Variants in MVD observed in about 807,000 individuals in gnomAD.
MVD encodes the protein diphosphomevalonate decarboxylase.
MVD carries 52 observed loss-of-function variants against 42.4 expected under a neutral mutation model. The ratio of observed to expected loss-of-function variants is 1.23; its 90% CI spans 0.98 to 1.55. MVD has a LOEUF of 1.55. Ranked by LOEUF, MVD falls within the 40% of genes most tolerant of loss-of-function variation. The pLI is 0.00. For missense variants in MVD, 663 were observed against 572.1 expected (o/e 1.16, Z -1.62); for synonymous variants, 287 against 243.2 (o/e 1.18, Z -1.68).
intron 1 of MVD, chr16:88,662,682 C>G: frequency 7.5e-7 from 1 of 1,333,234 alleles, no homozygotes; most frequent in Non-Finnish European, 9.7e-7. Context: ...GCTGGAGCCA[C>G]AAACGCGCAC....
intron 9 of MVD, among the ~76,000 whole-genome samples, chr16:88,652,829 CA>C (rs1013981060): frequency 2.0e-5 from 3 of 152,198 alleles, no homozygotes; most frequent in African/African-American, 7.2e-5. Flanking sequence ...GCTTCTGTCA[CA>C]GGGGGGACAG....
chr16:88,658,549 C>G (rs1382531268), intron 2 of MVD, 101 bp downstream of exon 2: 2 of 1,167,592 alleles, frequency 1.7e-6, no homozygotes, highest in Non-Finnish European at 2.5e-6. Flanking sequence ...TCCCCAAGTG[C>G]TGGGATTGCA....
chr16:88,653,232 T>C (rs1279729797), intron 9 of MVD, 68 bp downstream of exon 9: 5 of 1,326,318 alleles, frequency 3.8e-6, no homozygotes, highest in Non-Finnish European at 5.2e-6. Flanking sequence ...TTAAGGGCCC[T>C]GGGGGCTGGG....
chr16:88,661,081 ATT>A (rs58831082), intron 1 of MVD, among the ~76,000 whole-genome samples: 1 of 145,402 alleles, frequency 6.9e-6, no homozygotes, highest in Non-Finnish European at 1.5e-5. Context: ...TGCCCAGCTG[ATT>A]TTTTTTTTTA....
chr16:88,657,115 TA>T, intron 4 of MVD: 2 of 473,098 alleles, frequency 4.2e-6, no homozygotes, highest in South Asian at 1.7e-5. Flanking sequence ...AAGATTTTTT[TA>T]TTTTTTGTAG....
intron 1 of MVD, among the ~76,000 whole-genome samples, chr16:88,659,756 G>C (rs1006287086): frequency 6.6e-6 from 1 of 151,916 alleles, no homozygotes; most frequent in African/African-American, 2.4e-5. Flanking sequence ...ACCTGAGGTC[G>C]GGAGTTTGAG....
In MVD at chr16:88,655,668, GC is replaced by G; in HGVS notation, c.665del (p.Ser222ThrfsTer34). 1 of 1,555,332 alleles carries G rather than the reference GC, an allele frequency of 6.4e-7. No homozygotes were observed. The highest frequency in any genetic ancestry group is 1.4e-5 in the African/African-American group (1 of 73,296). On this transcript the variant is annotated frameshift_variant, in exon 6 of 10. Coordinates refer to ENST00000301012, the MANE Select transcript of MVD (RefSeq NM_002461.3). ...TVGMRASVETSPLLRFRAESV... is the reference protein window; with the variant it reads ...TVGMRASVETXPLLRFRAESV... ...CTCCTGGCCTTACCCGAAGCAGGGG[GC>G]TGGTCTCCACACTGGCCCGCATGCC...
chr16:88,655,171 C>G (rs1907824674), intron 7 of MVD, 28 bp downstream of exon 7: 1 of 1,549,620 alleles, frequency 6.5e-7, no homozygotes, highest in Non-Finnish European at 8.7e-7. Context: ...AGCGCGAGCG[C>G]AGCCTCTGCC....
chr16:88,662,739 T>A, intron 1 of MVD: 1 of 1,465,202 alleles, frequency 6.8e-7, no homozygotes, highest in Non-Finnish European at 9.0e-7. Flanking sequence ...GATTGATGAT[T>A]TCGATAGTTC....
intron 8 of MVD, 83 bp from the exon 9 acceptor site, chr16:88,653,491 T>C: frequency 1.7e-6 from 2 of 1,173,710 alleles, no homozygotes; most frequent in South Asian, 1.5e-5. Context: ...AGTCCAGAGA[T>C]GGGAAGTGCA....
At chr16:88,652,981 T>TG (rs1053366335) in intron 9 of MVD, among the ~76,000 whole-genome samples, 33 of 151,462 alleles carry the variant, frequency 2.2e-4, no homozygotes, top group South Asian at 8.3e-4. Flanking sequence ...GTGGTTGGGG[T>TG]GGGGGGGTCC....
At chr16:88,662,875 C>A in intron 1 of MVD, 136 bp downstream of exon 1, 2 of 1,467,360 alleles carry the variant, frequency 1.4e-6, no homozygotes, top group Non-Finnish European at 1.8e-6. Context: ...CCGCGCCCCT[C>A]CCTGAGCCTC....
At chr16:88,657,695 C>T in intron 3 of MVD, 113 bp from the exon 4 acceptor site, 3 of 1,468,006 alleles carry the variant, frequency 2.0e-6, no homozygotes, top group Non-Finnish European at 2.8e-6. Context: ...TGCCAGACTC[C>T]TCGTGGAGAG....
At chr16:88,662,347 AG>A (rs1332677111) in intron 1 of MVD, among the ~76,000 whole-genome samples, 5 of 152,216 alleles carry the variant, frequency 3.3e-5, no homozygotes, top group Admixed American at 6.5e-5. Context: ...CAAACTCAAA[AG>A]ATACTGGGTG....
At position 88,657,438 on chromosome 16, in the gene MVD, AG is replaced by A; in HGVS notation, c.400del (p.Leu134Ter). On this transcript the variant is annotated frameshift_variant, in exon 4 of 10. Coordinates refer to ENST00000301012, the MANE Select transcript of MVD (RefSeq NM_002461.3). LOFTEE classifies it high-confidence loss of function. ...TGCGGGTCTCTGTGGGCACCCACCT[AG>A]GCAGGCATAGCCCGCCGCTGAGGAG... is the stretch of plus-strand genomic sequence containing the variant. ...LASSAAGYAC[L>X]AYTLARVYGV... is the part of the protein sequence containing the mutation. 6.2e-7 allele frequency: 1 copy of A among 1,602,342 alleles called. No homozygotes were observed. Among genetic ancestry groups the A allele is most frequent in the Non-Finnish European group, 8.5e-7 (1 of 1,175,278 alleles).
chr16:88,655,768 G>A (rs771624849), intron 5 of MVD, 38 bp from the exon 6 acceptor site: 70 of 1,546,034 alleles, frequency 4.5e-5, no homozygotes, highest in Admixed American at 5.9e-5. Flanking sequence ...ACACCCTGCA[G>A]GGGGCCAGCC....
chr16:88,662,604 C>T (rs1908377101), intron 1 of MVD: 1 of 1,035,198 alleles, frequency 9.7e-7, no homozygotes, highest in Non-Finnish European at 1.2e-6. Flanking sequence ...AGCAGTGGCG[C>T]GATTTCCGCT....
At chr16:88,653,243 C>A (rs1040957379) in intron 9 of MVD, 57 bp downstream of exon 9, 16 of 1,425,180 alleles carry the variant, frequency 1.1e-5, no homozygotes, top group Admixed American at 1.1e-4. Context: ...GGGGGCTGGG[C>A]GGGCCCCCCT....
In MVD at chr16:88,652,567, G is replaced by T; in HGVS notation, c.1161C>A (p.Ala387=). The T allele has an allele frequency of 6.4e-7, 1 of 1,571,162 alleles. No homozygotes were observed. Among genetic ancestry groups the T allele is most frequent in the Non-Finnish European group, 8.6e-7 (1 of 1,158,232 alleles). Residue 387 remains alanine, a synonymous_variant, in exon 10 of 10, where the codon GCC becomes GCA. Coordinates refer to ENST00000301012, the MANE Select transcript of MVD (RefSeq NM_002461.3). ...GCAGGCCGTCAGGACCCAGGAGGTG[G>T]GCGCAGGGGTCATCCAGGATTTGAG... is the stretch of plus-strand genomic sequence containing the variant. ...PGPQILDDPC[A]HLLGPDGLPK... is the part of the protein sequence containing the mutation.
Sources: allele counts gnomAD v4.1 joint callset (sites outside exome capture counted in the v4.1 genomes callset), GRCh38; gene constraint gnomAD v4.1.1; transcripts MANE v1.5; gene names NCBI Gene and HGNC (gene_info 2026-07-23, HGNC 2026-07-21).